AGTPBP1: variants seen among roughly 807,000 people sequenced by gnomAD.
AGTPBP1 encodes the protein cytosolic carboxypeptidase 1.
In AGTPBP1, 70 loss-of-function variants were observed where a neutral mutation model predicts 143.9. That is an observed-to-expected ratio of 0.49 (90% CI 0.40 to 0.59). The LOEUF (loss-of-function observed/expected upper bound fraction) is 0.59. AGTPBP1 is among the 20% of genes least tolerant of loss of function. The pLI is 0.00. For missense variants in AGTPBP1, 1,229 were observed against 1,464.5 expected, an observed-to-expected ratio of 0.84 and a Z score of 2.62; for synonymous variants, 463 against 500.2, an observed-to-expected ratio of 0.93 and a Z score of 0.99.
At position 85,636,349 on chromosome 9, in the gene AGTPBP1, A is replaced by G. The variant is rs1391208337; in HGVS notation, c.1303-2975T>C. On this transcript the variant is annotated intron_variant, in intron 13 of 25. Transcript: ENST00000357081. ...CAATCTCAGCTCACTGCAAGCTCCA[A>G]CTCCCTGGTTCAAGCAATTCTCTCT... 3.3e-5 allele frequency among the ~76,000 whole-genome samples: 5 copies of G among 149,494 alleles called. No homozygotes were observed. The Admixed American group carries it at 3.4e-4, about 10-fold the overall frequency.
intron 4 of AGTPBP1, 97 bp downstream of exon 4, chr9:85,681,171 G>T: frequency 9.3e-7 from 1 of 1,072,310 alleles, no homozygotes. Context: ...ACGTGTGTAT[G>T]TGTTTCTGTG....
chr9:85,731,486 G>A (rs547185561), intron 1 of AGTPBP1, among the ~76,000 whole-genome samples: 19 of 152,100 alleles, frequency 1.2e-4, no homozygotes, highest in African/African-American at 4.6e-4. Context: ...TTGAGACACG[G>A]TCTTGCTCTG....
intron 17 of AGTPBP1, among the ~76,000 whole-genome samples, chr9:85,615,983 GA>G (rs1211033686): frequency 6.8e-6 from 1 of 147,514 alleles, no homozygotes. Flanking sequence ...TTAATAACCA[GA>G]AAAAAATGCT....
At chr9:85,805,156 G>C in the AGTPBP1 span, among the ~76,000 whole-genome samples, 1 of 152,102 alleles carries the variant, frequency 6.6e-6, no homozygotes, top group Non-Finnish European at 1.5e-5. Flanking sequence ...GGTGGTTCTG[G>C]TCCTCTCCCC....
In AGTPBP1 at chr9:85,619,222, T is replaced by C. The variant is rs1830768480; in HGVS notation, c.2179A>G (p.Ile727Val). ...AAATCTTAAGTGACTTACTTTCTAA[T>C]TTGAATTACTTTGCGCAGATTCCCA... is the stretch of plus-strand genomic sequence containing the variant. ...ESGNLRKVIQIRKNEYDLILN... is the reference protein window; with the variant it reads ...ESGNLRKVIQVRKNEYDLILN... The change falls in exon 16 of 26, where the codon ATT becomes GTT. Residue 727 changes from isoleucine to valine, a missense_variant. By Grantham distance (29) the Ile-to-Val change is conservative. This residue lies in a region of AGTPBP1 where 486 missense variants were observed against 652.3 expected (regional missense o/e 0.75). Transcript: ENST00000357081. 4 of 1,612,440 alleles carry C rather than the reference T, an allele frequency of 2.5e-6. No homozygotes were observed. The highest frequency in any genetic ancestry group is 3.4e-6 in the Non-Finnish European group (4 of 1,179,318).
upstream of AGTPBP1, chr9:85,742,155 AGC>A (rs1824379732): frequency 5.2e-6 from 3 of 578,186 alleles, no homozygotes; most frequent in Non-Finnish European, 6.9e-6. Flanking sequence ...GACGGGAGGG[AGC>A]GCGCGCGTGG....
rs374795609 is a variant in AGTPBP1 at position 85,655,231 on chromosome 9, G to A, written c.999C>T (p.Leu333=). Reference sequence around the variant, plus strand: ...AATGAAAAGAACTTTTAATTGTTGGGAGTGGCAGTCGATTTTTTGGGAAAC... The same window carrying A: ...AATGAAAAGAACTTTTAATTGTTGGAAGTGGCAGTCGATTTTTTGGGAAAC... The part of the protein sequence containing the change: ...RKCFPKNRLP[L]PTIKSSFHFQ... The change falls in exon 11 of 26, where the codon CTC becomes CTT. Residue 333 remains leucine, a synonymous_variant. Coordinates refer to ENST00000357081, the MANE Select transcript of AGTPBP1 (RefSeq NM_001330701.2). 8.1e-6 allele frequency: 13 copies of A among 1,606,992 alleles called. No individual in the cohort carries two copies. The African/African-American group carries it at 1.6e-4, about 20-fold the overall frequency.
rs201736509 is a variant in AGTPBP1 at position 85,600,239 on chromosome 9, GCCTTCCTGATC to G, written c.2336-3801_2336-3791del. Among the ~76,000 whole-genome samples the G allele has an allele frequency of 9.4e-3, 1,429 of 152,214 alleles. 19 individuals carry two copies. The highest frequency in any genetic ancestry group is 0.032 in the African/African-American group (1,346 of 41,518). ...TCACTGGTACATATAAAATAAGTCTGCCTTCCTGATCCCTTCCTGGGACTCAGTGAGCCACT... is the reference window on the plus strand; with the variant it reads ...TCACTGGTACATATAAAATAAGTCTGCCTTCCTGGGACTCAGTGAGCCACT... On this transcript the variant is annotated intron_variant, in intron 17 of 25. Transcript: ENST00000357081.
chr9:85,553,197 C>A (rs552989727), intron 25 of AGTPBP1, among the ~76,000 whole-genome samples: 1 of 152,084 alleles, frequency 6.6e-6, no homozygotes, highest in African/African-American at 2.4e-5. Flanking sequence ...AACTAGCATA[C>A]AGAATATCCA....
chr9:85,756,239 A>G, the AGTPBP1 span: 658 of 1,596,266 alleles, frequency 4.1e-4, 4 homozygotes, highest in Non-Finnish European at 4.2e-4. Context: ...TAAGAAATTG[A>G]GATCTAGTCA....
chr9:85,699,923 T>A (rs1389205489), intron 2 of AGTPBP1, among the ~76,000 whole-genome samples: 1 of 152,196 alleles, frequency 6.6e-6, no homozygotes, highest in African/African-American at 2.4e-5. Context: ...TTTTTATAAA[T>A]GGTATCTGTA....
At chr9:85,727,895 G>A (rs1838608974) in intron 1 of AGTPBP1, among the ~76,000 whole-genome samples, 1 of 151,958 alleles carries the variant, frequency 6.6e-6, no homozygotes, top group African/African-American at 2.4e-5. Context: ...GGGCATGGTG[G>A]CATATGGCTG....
At chr9:85,577,894 T>C (rs755479234) in intron 24 of AGTPBP1, among the ~76,000 whole-genome samples, 20 of 152,200 alleles carry the variant, frequency 1.3e-4, no homozygotes, top group Admixed American at 2.6e-4. Context: ...AACTATAATA[T>C]GTTTACATTT....
the AGTPBP1 span, chr9:85,764,976 G>T: frequency 1.3e-6 from 1 of 750,698 alleles, no homozygotes; most frequent in Non-Finnish European, 2.4e-6. Flanking sequence ...GATCACTTGA[G>T]TGATTTCCTC....
chr9:85,613,847 C>T (rs1414387701), intron 17 of AGTPBP1, among the ~76,000 whole-genome samples: 1 of 151,892 alleles, frequency 6.6e-6, no homozygotes, highest in Non-Finnish European at 1.5e-5. Context: ...AACCTTTAAA[C>T]AAAATTTTAA....
intron 23 of AGTPBP1, among the ~76,000 whole-genome samples, chr9:85,581,461 C>T (rs1052055197): frequency 6.6e-6 from 1 of 152,186 alleles, no homozygotes; most frequent in Non-Finnish European, 1.5e-5. Flanking sequence ...AAGCGCAATA[C>T]TAAAAGCTAT....
intron 1 of AGTPBP1, chr9:85,741,430 G>T (rs887511148): frequency 1.0e-6 from 1 of 985,130 alleles, no homozygotes; most frequent in African/African-American, 1.7e-5. Context: ...CGCGAGCTCG[G>T]GCCCGAGAGA....
chr9:85,655,528 A>T (rs1342768603), intron 10 of AGTPBP1, among the ~76,000 whole-genome samples: 3 of 152,196 alleles, frequency 2.0e-5, no homozygotes, highest in Non-Finnish European at 2.9e-5. Context: ...CAAATTCAGA[A>T]GAACTTTTCC....
chr9:85,665,506 C>G (rs1461986917), intron 8 of AGTPBP1, among the ~76,000 whole-genome samples: 2 of 152,092 alleles, frequency 1.3e-5, no homozygotes, highest in African/African-American at 4.8e-5. Flanking sequence ...GTTATGACAG[C>G]CCTAGAAAAC....
Sources: gnomAD v4.1 joint callset for allele counts (sites outside exome capture counted in the v4.1 genomes callset) on GRCh38, gnomAD v4.1.1 for gene constraint, gnomAD v4.1.1 regional missense constraint, MANE v1.5 for transcripts, NCBI Gene and HGNC (gene_info 2026-07-23, HGNC 2026-07-21) for gene names.